The following MAPK10 variants were observed in gnomAD, a reference collection of about 807,000 sequenced individuals.
MAPK10 encodes the protein mitogen-activated protein kinase 10.
A neutral mutation model predicts 59.3 loss-of-function variants in MAPK10; 25 were observed. The observed-to-expected ratio is 0.42, with a 90% confidence interval of 0.31 to 0.59. MAPK10 has a LOEUF of 0.59. Among genes scored for constraint, MAPK10 ranks in the 20% least tolerant of loss-of-function variants. MAPK10 has a pLI of 0.15. For missense variants in MAPK10, 351 were observed against 568.9 expected, an observed-to-expected ratio of 0.62 and a Z score of 3.90; for synonymous variants, 190 against 200.5, an observed-to-expected ratio of 0.95 and a Z score of 0.44.
At chr4:86,338,746 G>A (rs959887050) in intron 2 of MAPK10, among the ~76,000 whole-genome samples, 1 of 152,162 alleles carries the variant, frequency 6.6e-6, no homozygotes, top group African/African-American at 2.4e-5. Flanking sequence ...AGTACTCCCA[G>A]GGCATTTGTC....
In MAPK10 at chr4:86,172,492, C is replaced by T. The variant is rs1239890102; in HGVS notation, c.67-13025G>A. Among the ~76,000 whole-genome samples the T allele has an allele frequency of 2.7e-5, 4 of 150,636 alleles. No homozygotes were observed. In the East Asian group the frequency reaches 5.9e-4, roughly 22 times the overall value. On this transcript the variant is annotated intron_variant, in intron 3 of 13. Coordinates refer to ENST00000641462, the MANE Select transcript of MAPK10 (RefSeq NM_138982.4). ...TGCGAGGACAAAAAACCAAACACCG[C>T]ATGTTCTCACTCATGGGTGGGAATT... is the stretch of plus-strand genomic sequence containing the variant.
At chr4:86,023,616 A>G (rs1185732687) in intron 13 of MAPK10, among the ~76,000 whole-genome samples, 1 of 151,792 alleles carries the variant, frequency 6.6e-6, no homozygotes, top group Non-Finnish European at 1.5e-5. Flanking sequence ...TCTTTCAACA[A>G]TGTTTCGTAG....
intron 4 of MAPK10, among the ~76,000 whole-genome samples, chr4:86,137,575 G>C (rs1246632124): frequency 6.7e-4 from 88 of 130,554 alleles, no homozygotes; most frequent in Non-Finnish European, 1.9e-4. Context: ...GCCCACAAGA[G>C]AAAGCAGGAA....
rs577414779 is a variant in MAPK10 at position 86,412,309 on chromosome 4, T to C, written c.-122+40721A>G. Reference sequence around the variant, plus strand: ...GACTTCCCTTTGTGGGTAACCCTACTTTTCTCTCTGGCTGCCCTTTACATT... The same window carrying C: ...GACTTCCCTTTGTGGGTAACCCTACCTTTCTCTCTGGCTGCCCTTTACATT... On this transcript the variant is annotated intron_variant, in intron 1 of 13. Transcript: ENST00000361569. Among the ~76,000 whole-genome samples, 15 of 152,284 alleles carry C rather than the reference T, an allele frequency of 9.9e-5. No individual in the cohort carries two copies. The East Asian group carries it at 2.5e-3, about 25-fold the overall frequency.
At position 86,017,544 on chromosome 4, in the gene MAPK10, G is replaced by T. The variant is rs114423900; in HGVS notation, c.1253-174C>A. On this transcript the variant is annotated intron_variant, in intron 13 of 13. Coordinates refer to ENST00000641462, the MANE Select transcript of MAPK10 (RefSeq NM_138982.4). The surrounding 1 kb of genome is among the most constrained non-coding windows in gnomAD (Gnocchi z 4.4). ...GAGCATATCAAATGGTGACAATCAA[G>T]ACATAGCAATAAAAAGTCCTTCATC... Among the ~76,000 whole-genome samples, 1,554 of 152,200 alleles carry T rather than the reference G, an allele frequency of 0.01. 31 individuals carry two copies. Among genetic ancestry groups the T allele is most frequent in the African/African-American group, 0.035 (1,440 of 41,504 alleles).
rs572831487 is a variant in MAPK10 at position 86,547,187 on chromosome 4, G to A, written c.-263+46723C>T. ...GTTCTCACAGCCCTCGCTTCCTCTC[G>A]GCGCCTCCCCTGCCTGGGTTCCCAC... On this transcript the variant is annotated intron_variant, in intron 1 of 4. Transcript: ENST00000502302. Among the ~76,000 whole-genome samples, 119 of 152,336 alleles carry A rather than the reference G, an allele frequency of 7.8e-4. 1 individual carries two copies. The highest frequency in any genetic ancestry group is 2.6e-3 in the African/African-American group (110 of 41,582).
At chr4:86,520,949 T>C (rs1757066966) in intron 1 of MAPK10, among the ~76,000 whole-genome samples, 1 of 152,014 alleles carries the variant, frequency 6.6e-6, no homozygotes, top group African/African-American at 2.4e-5. Context: ...CTGCAAAGAG[T>C]CATGTGATGT....
At chr4:86,398,400 A>G (rs1381028406) in intron 1 of MAPK10, among the ~76,000 whole-genome samples, 2 of 152,140 alleles carry the variant, frequency 1.3e-5, no homozygotes, top group African/African-American at 4.8e-5. Flanking sequence ...CCTCTTTAAA[A>G]TGACTGAAAC....
intron 11 of MAPK10, among the ~76,000 whole-genome samples, chr4:86,063,652 A>G (rs182516122): frequency 2.0e-5 from 3 of 152,278 alleles, no homozygotes; most frequent in African/African-American, 7.2e-5. Flanking sequence ...TAAATGGTTG[A>G]AAAATATTTT....
At chr4:86,169,634 C>T (rs1581782257) in intron 3 of MAPK10, among the ~76,000 whole-genome samples, 1 of 151,968 alleles carries the variant, frequency 6.6e-6, no homozygotes, top group Non-Finnish European at 1.5e-5. Context: ...AGTTGGAAAA[C>T]ACTCTGCAGG....
intron 2 of MAPK10, among the ~76,000 whole-genome samples, chr4:86,281,101 T>C (rs887258798): frequency 6.6e-6 from 1 of 152,096 alleles, no homozygotes; most frequent in African/African-American, 2.4e-5. Context: ...AAATAGAAGT[T>C]GAAAAGCAAA....
At chr4:86,335,293 C>T (rs181361466) in intron 2 of MAPK10, 11 of 152,242 alleles carry the variant, frequency 7.2e-5, no homozygotes, top group African/African-American at 2.6e-4. Context: ...AACTAAAAGA[C>T]TGCAAAGGTT....
chr4:86,182,983 T>C (rs1348461965), intron 3 of MAPK10, among the ~76,000 whole-genome samples: 1 of 152,066 alleles, frequency 6.6e-6, no homozygotes, highest in Non-Finnish European at 1.5e-5. Flanking sequence ...ATGTAGAAAG[T>C]TGAACTGAAA....
chr4:86,174,425 C>A (rs576278608), intron 3 of MAPK10, among the ~76,000 whole-genome samples: 1 of 152,034 alleles, frequency 6.6e-6, no homozygotes, highest in Non-Finnish European at 1.5e-5. Context: ...AATGAGAGCA[C>A]ATGGACGCAG....
chr4:86,128,868 C>A (rs1033526228), intron 4 of MAPK10, among the ~76,000 whole-genome samples: 1 of 152,196 alleles, frequency 6.6e-6, no homozygotes, highest in South Asian at 2.1e-4. Context: ...GAATTTTCAA[C>A]ATTTTAAACT....
intron 1 of MAPK10, among the ~76,000 whole-genome samples, chr4:86,554,196 C>T (rs1430081897): frequency 1.3e-5 from 2 of 152,124 alleles, no homozygotes; most frequent in Non-Finnish European, 2.9e-5. Flanking sequence ...AAATAAGGGA[C>T]ACTCTTAAAT....
At chr4:86,439,958 G>A (rs983708591) in intron 1 of MAPK10, among the ~76,000 whole-genome samples, 12 of 152,104 alleles carry the variant, frequency 7.9e-5, no homozygotes, top group African/African-American at 2.9e-4. Context: ...GTTTTTATAT[G>A]AGAAGAAATA....
chr4:86,246,891 T>A (rs1158154556), intron 2 of MAPK10, among the ~76,000 whole-genome samples: 2 of 152,170 alleles, frequency 1.3e-5, no homozygotes, highest in African/African-American at 4.8e-5. Flanking sequence ...AATCATATCA[T>A]CCCAACCAAC....
Position 86,354,639 on chromosome 4 carries a change from A to C in MAPK10, c.-116T>G. On this transcript the variant is annotated 5_prime_UTR_variant, in exon 2 of 14. Transcript: ENST00000641462. Reference sequence around the variant, plus strand: ...TGGGCCTGCTGTTGGTGTTTCTCACACTAGCCTGAAAGCAAAGCCAAAAAA... The same window carrying C: ...TGGGCCTGCTGTTGGTGTTTCTCACCCTAGCCTGAAAGCAAAGCCAAAAAA... 2.5e-6 allele frequency: 3 copies of C among 1,208,388 alleles called. No homozygotes were observed. The highest frequency in any genetic ancestry group is 3.1e-6 in the Non-Finnish European group (3 of 966,342). 74.9% of individuals were successfully genotyped at this position (1,208,388 alleles called of 1,614,324 possible).
Sources: allele counts gnomAD v4.1 joint callset (sites outside exome capture counted in the v4.1 genomes callset), GRCh38; gene constraint gnomAD v4.1.1; non-coding constraint Gnocchi (gnomAD v3.1); transcripts MANE v1.5; gene names NCBI Gene and HGNC (gene_info 2026-07-23, HGNC 2026-07-21).